The following SNX30 variants were observed in gnomAD, a reference collection of about 807,000 sequenced individuals.
SNX30 encodes sorting nexin-30.
Under a neutral mutation model 46.4 loss-of-function variants are expected in SNX30, and 24 were observed. That is an observed-to-expected ratio of 0.52 (90% CI 0.37 to 0.73). The LOEUF (loss-of-function observed/expected upper bound fraction) is 0.73. Ranked by LOEUF, SNX30 falls within the 30% of genes least tolerant of loss-of-function variation. The pLI is 0.00. For synonymous variants in SNX30, 189 were observed against 211.5 expected (o/e 0.89, Z 0.92); for missense variants, 533 against 555.7 (o/e 0.96, Z 0.41).
chr9:112,772,498 G>A (rs1839668382), intron 1 of SNX30, among the ~76,000 whole-genome samples: 1 of 152,162 alleles, frequency 6.6e-6, no homozygotes, highest in African/African-American at 2.4e-5. Flanking sequence ...GTGGGGCTGT[G>A]GTACTCGTGT....
chr9:112,769,431 G>T (rs990448428), intron 1 of SNX30, among the ~76,000 whole-genome samples: 2 of 152,204 alleles, frequency 1.3e-5, no homozygotes, highest in African/African-American at 4.8e-5. Flanking sequence ...GATGCCAGGA[G>T]TCTCCACTAC....
intron 3 of SNX30, among the ~76,000 whole-genome samples, chr9:112,829,686 G>A (rs1332677002): frequency 6.6e-6 from 1 of 152,294 alleles, no homozygotes; most frequent in Admixed American, 6.5e-5. Flanking sequence ...TTTCCACAGT[G>A]GCTGCACATT....
At chr9:112,770,388 G>T (rs1316941989) in intron 1 of SNX30, among the ~76,000 whole-genome samples, 1 of 151,868 alleles carries the variant, frequency 6.6e-6, no homozygotes, top group Non-Finnish European at 1.5e-5. Flanking sequence ...GGCCAGGCTG[G>T]TCTCGAACTC....
chr9:112,792,455 C>T (rs912072217), intron 1 of SNX30, among the ~76,000 whole-genome samples: 5 of 152,188 alleles, frequency 3.3e-5, no homozygotes, highest in Admixed American at 6.5e-5. Context: ...GACAGCATCT[C>T]TCTCCGTCGC....
At chr9:112,862,909 C>G (rs1483501939) in intron 7 of SNX30, among the ~76,000 whole-genome samples, 2 of 152,050 alleles carry the variant, frequency 1.3e-5, no homozygotes, top group East Asian at 1.9e-4. Flanking sequence ...AAGAAGGCCT[C>G]TTTCCCCATC....
downstream of SNX30, among the ~76,000 whole-genome samples, chr9:112,882,192 A>G (rs1841588274): frequency 6.6e-6 from 1 of 152,122 alleles, no homozygotes; most frequent in Admixed American, 6.5e-5. Flanking sequence ...TTGCAGCCTC[A>G]ACCTCCTGGG....
chr9:112,750,889 A>T lies in SNX30; in HGVS notation c.-113A>T, dbSNP rs1839261974. 9.9e-7 allele frequency: 1 copy of T among 1,013,846 alleles called. No individual in the cohort carries two copies. Among genetic ancestry groups the T allele is most frequent in the African/African-American group, 1.7e-5 (1 of 58,072 alleles). 62.8% of individuals were successfully genotyped at this position (1,013,846 alleles called of 1,614,324 possible). Reference sequence around the variant, plus strand: ...CGGCGGCCCCCAGCACGGCCGGTGCAAGGCCTCGGGTTAAGCGGCGGCCGA... The same window carrying T: ...CGGCGGCCCCCAGCACGGCCGGTGCTAGGCCTCGGGTTAAGCGGCGGCCGA... On this transcript the variant is annotated 5_prime_UTR_variant, in exon 1 of 9. Coordinates refer to ENST00000374232, the MANE Select transcript of SNX30 (RefSeq NM_001012994.2).
At chr9:112,804,377 C>T (rs1418320671) in intron 1 of SNX30, among the ~76,000 whole-genome samples, 1 of 152,204 alleles carries the variant, frequency 6.6e-6, no homozygotes, top group Non-Finnish European at 1.5e-5. Context: ...GTTGGCCAGG[C>T]TGGTCTCAAA....
chr9:112,785,164 A>G (rs759583535), intron 1 of SNX30, among the ~76,000 whole-genome samples: 1 of 152,138 alleles, frequency 6.6e-6, no homozygotes, highest in Non-Finnish European at 1.5e-5. Flanking sequence ...CAAGTATTTC[A>G]TTACTTGAAG....
At chr9:112,834,848 AC>A (rs552462576) in intron 4 of SNX30, among the ~76,000 whole-genome samples, 2 of 58,024 alleles carry the variant, frequency 3.4e-5, no homozygotes, top group South Asian at 7.9e-4. Flanking sequence ...ACACAAACAC[AC>A]ACACACACAC....
intron 5 of SNX30, among the ~76,000 whole-genome samples, chr9:112,880,708 A>G (rs1419270097): frequency 6.6e-6 from 1 of 152,186 alleles, no homozygotes; most frequent in Non-Finnish European, 1.5e-5. Context: ...GCAATGGGCA[A>G]TTGAACTTGG....
At chr9:112,865,773 A>ATG (rs1216221895) in intron 8 of SNX30, among the ~76,000 whole-genome samples, 40 of 139,156 alleles carry the variant, frequency 2.9e-4, no homozygotes, top group African/African-American at 8.7e-4. Context: ...GTATGTATGT[A>ATG]TGTATATATA....
intron 1 of SNX30, among the ~76,000 whole-genome samples, chr9:112,764,650 G>A (rs889393930): frequency 6.6e-6 from 1 of 152,092 alleles, no homozygotes; most frequent in African/African-American, 2.4e-5. Flanking sequence ...GGAGCCTGGC[G>A]GCAAGGAGTC....
intron 1 of SNX30, among the ~76,000 whole-genome samples, chr9:112,783,404 A>AT (rs1271258316): frequency 2.6e-5 from 4 of 152,238 alleles, no homozygotes; most frequent in Non-Finnish European, 4.4e-5. Flanking sequence ...GACATTTAAT[A>AT]TGTAAAGTGA....
intron 7 of SNX30, among the ~76,000 whole-genome samples, chr9:112,853,791 T>C (rs1841072661): frequency 6.6e-6 from 1 of 152,212 alleles, no homozygotes; most frequent in Non-Finnish European, 1.5e-5. Context: ...ATGCAAAATG[T>C]GGGTGGTGAT....
intron 3 of SNX30, among the ~76,000 whole-genome samples, chr9:112,819,844 C>T (rs1386475681): frequency 6.6e-6 from 1 of 152,222 alleles, no homozygotes; most frequent in Non-Finnish European, 1.5e-5. Flanking sequence ...GTGCTGTCAA[C>T]AGTGTGCCTC....
At chr9:112,779,881 C>T (rs1384747045) in intron 1 of SNX30, among the ~76,000 whole-genome samples, 3 of 152,138 alleles carry the variant, frequency 2.0e-5, no homozygotes, top group Non-Finnish European at 2.9e-5. Context: ...GAAATGGGAG[C>T]TCTGAGGGGA....
intron 7 of SNX30, among the ~76,000 whole-genome samples, chr9:112,861,713 G>C (rs187946401): frequency 6.6e-6 from 1 of 152,344 alleles, no homozygotes; most frequent in Admixed American, 6.5e-5. Context: ...CCTGTGGCCT[G>C]TGCACAATTC....
intron 1 of SNX30, among the ~76,000 whole-genome samples, chr9:112,779,793 A>G (rs1839816792): frequency 6.6e-6 from 1 of 152,196 alleles, no homozygotes; most frequent in African/African-American, 2.4e-5. Flanking sequence ...TGCAGGGCGC[A>G]CTTGGCTGAG....
Sources: gnomAD v4.1 joint callset for allele counts (sites outside exome capture counted in the v4.1 genomes callset) on GRCh38, gnomAD v4.1.1 for gene constraint, MANE v1.5 for transcripts, NCBI Gene and HGNC (gene_info 2026-07-23, HGNC 2026-07-21) for gene names.